The following DLGAP2 variants were observed in gnomAD, a reference collection of about 807,000 sequenced individuals.
DLGAP2 encodes disks large-associated protein 2.
DLGAP2 carries 26 observed loss-of-function variants against 100.3 expected under a neutral mutation model. The observed-to-expected ratio is 0.26, with a 90% CI of 0.19 to 0.36. DLGAP2 has a LOEUF of 0.36. Ranked by LOEUF, DLGAP2 falls within the 10% of genes least tolerant of loss-of-function variation. DLGAP2 has a pLI of 1.00. For missense variants in DLGAP2, 1,858 were observed against 1,453.2 expected, an observed-to-expected ratio of 1.28 and a Z score of -4.53; for synonymous variants, 886 against 630.1, an observed-to-expected ratio of 1.41 and a Z score of -6.08.
intron 1 of DLGAP2, among the ~76,000 whole-genome samples, chr8:861,758 C>T (rs1288109188): frequency 2.6e-5 from 4 of 152,192 alleles, no homozygotes; most frequent in African/African-American, 4.8e-5. Context: ...AGCGTTGACG[C>T]GCAGCTTGTC....
chr8:1,118,791 C>T (rs931509152), intron 2 of DLGAP2, among the ~76,000 whole-genome samples: 5 of 152,146 alleles, frequency 3.3e-5, no homozygotes, highest in Non-Finnish European at 5.9e-5. Flanking sequence ...GGAAAACGAC[C>T]TTGGGTGAGT....
chr8:1,449,693 G>T (rs1380599976), intron 3 of DLGAP2, among the ~76,000 whole-genome samples: 2 of 152,228 alleles, frequency 1.3e-5, no homozygotes, highest in African/African-American at 4.8e-5. Flanking sequence ...GGAGCAGGGG[G>T]TGTGCAGATG....
At chr8:1,333,905 C>A (rs1175638970) in intron 3 of DLGAP2, among the ~76,000 whole-genome samples, 1 of 152,360 alleles carries the variant, frequency 6.6e-6, no homozygotes, top group South Asian at 2.1e-4. Flanking sequence ...TCCTTGCCTC[C>A]CATCTGAGGC....
intron 10 of DLGAP2, among the ~76,000 whole-genome samples, chr8:1,670,145 G>A (rs941404773): frequency 5.9e-5 from 9 of 152,190 alleles, no homozygotes; most frequent in Non-Finnish European, 1.2e-4. Flanking sequence ...TTTCTCCTCA[G>A]CCACCTCCCA....
intron 8 of DLGAP2, among the ~76,000 whole-genome samples, chr8:1,666,422 C>G (rs532537226): frequency 6.6e-6 from 1 of 152,286 alleles, no homozygotes; most frequent in South Asian, 2.1e-4. Context: ...CCTGTAATCC[C>G]AGTACTTTGG....
chr8:1,537,182 C>G (rs1427767447), intron 4 of DLGAP2, among the ~76,000 whole-genome samples: 2 of 152,024 alleles, frequency 1.3e-5, no homozygotes, highest in Non-Finnish European at 2.9e-5. Context: ...AGCTTACGAC[C>G]TAATGGGTGT....
Position 1,033,943 on chromosome 8 carries a change from A to G in DLGAP2, c.73+125977A>G, listed in dbSNP as rs1439128182. 7.0e-5 allele frequency among the ~76,000 whole-genome samples: 5 copies of G among 71,900 alleles called. 1 individual carries two copies. The highest frequency in any genetic ancestry group is 5.3e-4 in the East Asian group (1 of 1,890). 47.2% of individuals were successfully genotyped at this position (71,900 alleles called of 152,430 possible). ...CGACCCCATGTGTCACCGCGAGTGG[A>G]CTCACACGCTCATCCCGACCCCGCG... On this transcript the variant is annotated intron_variant, in intron 2 of 14. Coordinates refer to ENST00000637795, the MANE Select transcript of DLGAP2 (RefSeq NM_001346810.2).
intron 3 of DLGAP2, among the ~76,000 whole-genome samples, chr8:1,431,987 C>G (rs964981338): frequency 1.6e-4 from 24 of 150,948 alleles, no homozygotes; most frequent in Middle Eastern, 6.8e-3. Flanking sequence ...GGGGCTGAAT[C>G]CTGCCGGCAC....
chr8:1,034,088 C>T (rs1430708569), intron 2 of DLGAP2, among the ~76,000 whole-genome samples: 32 of 60,598 alleles, frequency 5.3e-4, no homozygotes, highest in African/African-American at 2.3e-3. Context: ...ATCCCGACCC[C>T]GCGTGTCACC....
intron 2 of DLGAP2, among the ~76,000 whole-genome samples, chr8:1,054,017 G>A (rs1284555941): frequency 6.6e-6 from 1 of 152,048 alleles, no homozygotes; most frequent in Non-Finnish European, 1.5e-5. Flanking sequence ...TGTTACACCG[G>A]CTTCCTTTTC....
At chr8:1,550,346 A>C (rs994316363) in intron 5 of DLGAP2, among the ~76,000 whole-genome samples, 1 of 152,192 alleles carries the variant, frequency 6.6e-6, no homozygotes, top group Non-Finnish European at 1.5e-5. Flanking sequence ...GGCAGCTCTC[A>C]TGCGTGAGTC....
chr8:796,513 T>A (rs1353172735), intron 1 of DLGAP2, among the ~76,000 whole-genome samples: 2 of 152,130 alleles, frequency 1.3e-5, no homozygotes, highest in East Asian at 3.9e-4. Context: ...CCTGCTCTGT[T>A]CTCTCCCTGC....
At chr8:1,074,540 G>C (rs1803542789) in intron 2 of DLGAP2, among the ~76,000 whole-genome samples, 1 of 152,198 alleles carries the variant, frequency 6.6e-6, no homozygotes, top group African/African-American at 2.4e-5. Context: ...TCACAGCCGA[G>C]GCTGCCCTGG....
chr8:1,098,376 G>A (rs895373406), intron 2 of DLGAP2, among the ~76,000 whole-genome samples: 5 of 152,212 alleles, frequency 3.3e-5, no homozygotes, highest in African/African-American at 1.2e-4. Context: ...CGCGCTTCTG[G>A]AACATTCAGG....
chr8:809,491 C>G (rs1796329287), intron 1 of DLGAP2, among the ~76,000 whole-genome samples: 1 of 151,574 alleles, frequency 6.6e-6, no homozygotes, highest in Non-Finnish European at 1.5e-5. Flanking sequence ...TTCATGCAGC[C>G]TGATATCTTA....
chr8:914,536 G>T (rs1445456095), intron 2 of DLGAP2, among the ~76,000 whole-genome samples: 1 of 152,214 alleles, frequency 6.6e-6, no homozygotes, highest in Non-Finnish European at 1.5e-5. Context: ...TTTGTGCTGA[G>T]TGGAAAAATG....
chr8:986,270 C>T (rs1563129372), intron 2 of DLGAP2, among the ~76,000 whole-genome samples: 1 of 152,168 alleles, frequency 6.6e-6, no homozygotes, highest in Non-Finnish European at 1.5e-5. Context: ...AGCTGCATGG[C>T]TTCTGTGCCG....
At chr8:1,251,848 A>G (rs1481108644) in intron 2 of DLGAP2, among the ~76,000 whole-genome samples, 1 of 152,170 alleles carries the variant, frequency 6.6e-6, no homozygotes, top group East Asian at 1.9e-4. Context: ...CGTGTTGCAT[A>G]TTCTCGCATC....
At chr8:853,940 C>G (rs747845455) in intron 1 of DLGAP2, among the ~76,000 whole-genome samples, 28 of 152,190 alleles carry the variant, frequency 1.8e-4, no homozygotes, top group Non-Finnish European at 3.2e-4. Flanking sequence ...GGGGCCGCCA[C>G]AGGTGGGATA....
Sources: gnomAD v4.1 joint callset for allele counts (sites outside exome capture counted in the v4.1 genomes callset) on GRCh38, gnomAD v4.1.1 for gene constraint, MANE v1.5 for transcripts, NCBI Gene and HGNC (gene_info 2026-07-23, HGNC 2026-07-21) for gene names.